Variants in CTNNA3 observed in about 807,000 individuals in gnomAD.
CTNNA3 encodes catenin alpha-3.
Under a neutral mutation model 95.7 loss-of-function variants are expected in CTNNA3, and 76 were observed. The ratio of observed to expected loss-of-function variants is 0.79; its 90% CI spans 0.66 to 0.96. The LOEUF (loss-of-function observed/expected upper bound fraction) is 0.96. Among genes scored for constraint, CTNNA3 ranks in the 40% least tolerant of loss-of-function variants. The pLI, the probability that CTNNA3 is intolerant of heterozygous loss-of-function variation, is 0.00. For missense variants in CTNNA3, 1,191 were observed against 1,089.8 expected, an observed-to-expected ratio of 1.09 and a Z score of -1.31; for synonymous variants, 431 against 374.4, an observed-to-expected ratio of 1.15 and a Z score of -1.74.
chr10:65,975,971 T>A (rs59104530), intron 16 of CTNNA3, among the ~76,000 whole-genome samples: 16,352 of 152,134 alleles, frequency 0.11, 1,103 homozygotes, highest in East Asian at 0.2. Flanking sequence ...AGATGTTTTG[T>A]CTCTACTAAT....
intron 5 of CTNNA3, among the ~76,000 whole-genome samples, chr10:67,273,928 A>G (rs990271295): frequency 2.6e-5 from 4 of 152,160 alleles, no homozygotes; most frequent in Non-Finnish European, 4.4e-5. Context: ...CCTGGCTCAC[A>G]AGAGGGATAA....
At chr10:65,995,321 A>G (rs1197762162) in intron 15 of CTNNA3, among the ~76,000 whole-genome samples, 19 of 152,280 alleles carry the variant, frequency 1.2e-4, no homozygotes, top group South Asian at 6.2e-4. Context: ...GGAAGGTCCT[A>G]AAGATCTATC....
chr10:66,193,420 A>G lies in CTNNA3; in HGVS notation c.1884+87050T>C, dbSNP rs1413208923. Among the ~76,000 whole-genome samples, 3 of 152,136 alleles carry G rather than the reference A, an allele frequency of 2.0e-5. No individual in the cohort carries two copies. In the South Asian group the frequency reaches 6.2e-4, roughly 32 times the overall value. On this transcript the variant is annotated intron_variant, in intron 13 of 17. Transcript: ENST00000433211. ...TAAGGAAAGATCAAGCAAGGCAAAT[A>G]CTGAAAATTATGCATTGGATTTAGC...
chr10:67,264,244 G>A lies in CTNNA3; in HGVS notation c.580-44374C>T, dbSNP rs150719953. On this transcript the variant is annotated intron_variant, in intron 5 of 17. Coordinates refer to ENST00000433211, the MANE Select transcript of CTNNA3 (RefSeq NM_013266.4). ...TGAGTAACTAGTCCAAAGCCCTGGC[G>A]GTAGGAAGGACCAGAAGTGGGATTC... 3.2e-3 allele frequency among the ~76,000 whole-genome samples: 486 copies of A among 152,178 alleles called. 2 individuals are homozygous for A. The highest frequency in any genetic ancestry group is 3.7e-3 in the Non-Finnish European group (251 of 67,994).
chr10:66,998,284 T>C lies in CTNNA3; in HGVS notation c.1047+182033A>G, dbSNP rs1459483671. Among the ~76,000 whole-genome samples, 3 of 152,216 alleles carry C rather than the reference T, an allele frequency of 2.0e-5. No individual in the cohort carries two copies. The East Asian group carries it at 5.8e-4, about 29-fold the overall frequency. On this transcript the variant is annotated intron_variant, in intron 7 of 17. Transcript: ENST00000433211. ...CTCCTTACTCTATGTTTACTTAGCA[T>C]ACACTGTTGTTTTAGTACTAGTTGC... is the stretch of plus-strand genomic sequence containing the variant.
chr10:66,374,939 A>G (rs114332211), intron 12 of CTNNA3, among the ~76,000 whole-genome samples: 1,573 of 152,142 alleles, frequency 0.01, 23 homozygotes, highest in African/African-American at 0.036. Context: ...TTATGACAGT[A>G]TATCTGAGGA....
chr10:67,074,086 A>T (rs1318312900), intron 7 of CTNNA3, among the ~76,000 whole-genome samples: 2 of 121,484 alleles, frequency 1.6e-5, no homozygotes, highest in African/African-American at 3.3e-5. Context: ...TCCAGGCTGG[A>T]GTGCAGTGGC....
chr10:67,300,944 T>A (rs571595414), intron 5 of CTNNA3, among the ~76,000 whole-genome samples: 25 of 152,338 alleles, frequency 1.6e-4, no homozygotes, highest in South Asian at 1.0e-3. Context: ...ATGTACAATA[T>A]TTTTTATTTA....
At position 67,506,787 on chromosome 10, in the gene CTNNA3, A is replaced by G. The variant is rs543073482; in HGVS notation, c.579+15055T>C. 3.3e-5 allele frequency among the ~76,000 whole-genome samples: 5 copies of G among 152,312 alleles called. No homozygotes were observed. The South Asian group carries it at 1.0e-3, about 32-fold the overall frequency. ...ATGTACAGCTTGGATACAAAAATTT[A>G]ATATGAGTGTATTTGAGATTATAAT... On this transcript the variant is annotated intron_variant, in intron 5 of 17. Transcript: ENST00000433211.
At chr10:66,485,171 T>G (rs1839682392) in intron 11 of CTNNA3, among the ~76,000 whole-genome samples, 1 of 152,098 alleles carries the variant, frequency 6.6e-6, no homozygotes, top group African/African-American at 2.4e-5. Flanking sequence ...TGATCAGGAA[T>G]AAGAAAAGTG....
chr10:66,103,339 A>G (rs1329768570), intron 13 of CTNNA3, 90 bp from the exon 14 acceptor site: 1 of 986,418 alleles, frequency 1.0e-6, no homozygotes, highest in Admixed American at 1.9e-5. Context: ...AAGGGTAATC[A>G]TAAAGTTACC....
intron 7 of CTNNA3, among the ~76,000 whole-genome samples, chr10:67,080,763 G>T (rs1260234900): frequency 2.0e-5 from 3 of 151,932 alleles, no homozygotes; most frequent in Admixed American, 6.6e-5. Flanking sequence ...CAAAAAATTA[G>T]CCCGGCGTGG....
At chr10:66,652,796 C>A (rs1379883874) in intron 9 of CTNNA3, among the ~76,000 whole-genome samples, 4 of 151,972 alleles carry the variant, frequency 2.6e-5, no homozygotes, top group African/African-American at 9.7e-5. Flanking sequence ...TTATCATGAT[C>A]AAGTAGGATT....
intron 11 of CTNNA3, among the ~76,000 whole-genome samples, chr10:66,381,081 A>T (rs537961115): frequency 6.6e-6 from 1 of 152,174 alleles, no homozygotes; most frequent in Non-Finnish European, 1.5e-5. Flanking sequence ...GAAAAAAGAA[A>T]ATAAAGTCAA....
intron 5 of CTNNA3, among the ~76,000 whole-genome samples, chr10:67,395,361 T>C (rs935689526): frequency 3.3e-5 from 5 of 152,208 alleles, no homozygotes; most frequent in African/African-American, 1.2e-4. Context: ...GAGCCATTTA[T>C]AATCATTTTC....
chr10:66,948,107 G>T (rs1244694233), intron 7 of CTNNA3, among the ~76,000 whole-genome samples: 1 of 152,148 alleles, frequency 6.6e-6, no homozygotes, highest in Non-Finnish European at 1.5e-5. Flanking sequence ...TAACTTGTGG[G>T]ATCACCATCA....
chr10:67,477,894 C>T (rs1218641038), intron 5 of CTNNA3, among the ~76,000 whole-genome samples: 1 of 152,100 alleles, frequency 6.6e-6, no homozygotes, highest in Non-Finnish European at 1.5e-5. Flanking sequence ...TGCAAATAAG[C>T]TCAATGAGAT....
chr10:66,143,469 T>A (rs2083719639), intron 13 of CTNNA3, among the ~76,000 whole-genome samples: 1 of 152,122 alleles, frequency 6.6e-6, no homozygotes, highest in Admixed American at 6.6e-5. Flanking sequence ...GTCAAATATA[T>A]CATCCCTCTG....
chr10:67,220,597 A>G (rs1864608933), intron 5 of CTNNA3, among the ~76,000 whole-genome samples: 1 of 152,190 alleles, frequency 6.6e-6, no homozygotes, highest in Non-Finnish European at 1.5e-5. Flanking sequence ...AGTGTCATAG[A>G]GATTGACTTG....
Sources: allele counts gnomAD v4.1 joint callset (sites outside exome capture counted in the v4.1 genomes callset), GRCh38; gene constraint gnomAD v4.1.1; transcripts MANE v1.5; gene names NCBI Gene and HGNC (gene_info 2026-07-23, HGNC 2026-07-21).